The following RARB variants were observed in gnomAD, a reference collection of about 807,000 sequenced individuals.
RARB encodes the protein HBV-activated protein.
A neutral mutation model predicts 51.9 loss-of-function variants in RARB; 17 were observed. That is an observed-to-expected ratio of 0.33 (90% confidence interval 0.22 to 0.49). The LOEUF (loss-of-function observed/expected upper bound fraction) is 0.49, where lower values mean the gene tolerates loss of function less well. Ranked by LOEUF, RARB falls within the 20% of genes least tolerant of loss-of-function variation. The pLI is 0.99. For synonymous variants in RARB, 215 were observed against 195.4 expected (o/e 1.10, Z -0.84); for missense variants, 369 against 550.8 (o/e 0.67, Z 3.30).
chr3:25,507,408 C>T (rs1697664239), intron 3 of RARB, among the ~76,000 whole-genome samples: 1 of 152,216 alleles, frequency 6.6e-6, no homozygotes, highest in South Asian at 2.1e-4. Flanking sequence ...AGTTACTCAA[C>T]TTCTTGGAGG....
At chr3:24,835,243 G>A (rs1702329663) in intron 1 of RARB, among the ~76,000 whole-genome samples, 1 of 152,152 alleles carries the variant, frequency 6.6e-6, no homozygotes, top group East Asian at 1.9e-4. Context: ...ATGCCAATAA[G>A]TAAACATAGA....
intron 3 of RARB, among the ~76,000 whole-genome samples, chr3:25,066,519 T>C (rs377425214): frequency 3.3e-5 from 5 of 152,150 alleles, no homozygotes; most frequent in African/African-American, 1.2e-4. Flanking sequence ...CTAGAACTCC[T>C]GCTCCTATGT....
intron 2 of RARB, among the ~76,000 whole-genome samples, chr3:25,057,965 T>G (rs1044066151): frequency 4.6e-5 from 7 of 151,972 alleles, no homozygotes; most frequent in Non-Finnish European, 8.8e-5. Context: ...ATTTGATTAT[T>G]TTTCCTGAAT....
At chr3:24,994,549 C>T (rs1221441764) in intron 2 of RARB, among the ~76,000 whole-genome samples, 1 of 151,994 alleles carries the variant, frequency 6.6e-6, no homozygotes, top group Non-Finnish European at 1.5e-5. Context: ...CTTTTCAGGT[C>T]TTACTCATAA....
At chr3:25,054,722 C>G (rs1230039213) in intron 2 of RARB, among the ~76,000 whole-genome samples, 1 of 152,084 alleles carries the variant, frequency 6.6e-6, no homozygotes, top group Non-Finnish European at 1.5e-5. Context: ...CTGTGGAGCA[C>G]AAACTGTGTC....
chr3:25,476,710 G>T (rs980527308), intron 2 of RARB, among the ~76,000 whole-genome samples: 3 of 152,164 alleles, frequency 2.0e-5, no homozygotes, highest in Admixed American at 1.3e-4. Context: ...CCCATTCTGT[G>T]TAAACACCAT....
At chr3:25,092,646 A>G (rs1353548609) in intron 3 of RARB, among the ~76,000 whole-genome samples, 2 of 152,170 alleles carry the variant, frequency 1.3e-5, no homozygotes, top group African/African-American at 4.8e-5. Flanking sequence ...CCAGAAAAGA[A>G]TGTGGGAGAT....
intron 5 of RARB, among the ~76,000 whole-genome samples, chr3:25,232,281 T>A (rs1377937285): frequency 6.6e-6 from 1 of 152,210 alleles, no homozygotes; most frequent in Admixed American, 6.5e-5. Flanking sequence ...TCCAATTTTG[T>A]TCTTCAAAAT....
At chr3:25,544,992 C>T (rs1044145638) in intron 3 of RARB, among the ~76,000 whole-genome samples, 1 of 152,096 alleles carries the variant, frequency 6.6e-6, no homozygotes, top group Admixed American at 6.5e-5. Flanking sequence ...GACGGAGTCT[C>T]GTTCTGTCGC....
intron 2 of RARB, among the ~76,000 whole-genome samples, chr3:24,987,760 T>A (rs1029536956): frequency 7.9e-5 from 12 of 152,228 alleles, no homozygotes; most frequent in African/African-American, 2.9e-4. Context: ...GATTTGAGTT[T>A]TGGCAACACA....
upstream of RARB, among the ~76,000 whole-genome samples, chr3:25,423,916 T>C (rs1462370036): frequency 2.0e-5 from 3 of 152,218 alleles, no homozygotes; most frequent in African/African-American, 7.2e-5. Flanking sequence ...AACTTTCAAG[T>C]TGGAACCAAC....
At chr3:24,839,729 G>T (rs949075756) in intron 1 of RARB, among the ~76,000 whole-genome samples, 12 of 61,224 alleles carry the variant, frequency 2.0e-4, no homozygotes, top group African/African-American at 3.7e-4. Context: ...AGGGGGGGGG[G>T]GTGGGGGAAG....
At chr3:25,346,684 C>A (rs1705405247) in intron 5 of RARB, among the ~76,000 whole-genome samples, 1 of 152,176 alleles carries the variant, frequency 6.6e-6, no homozygotes, top group Non-Finnish European at 1.5e-5. Flanking sequence ...CTGCCTCCGT[C>A]AACACAGGAT....
intron 5 of RARB, among the ~76,000 whole-genome samples, chr3:25,268,048 G>A (rs1338185168): frequency 2.6e-5 from 4 of 152,140 alleles, no homozygotes; most frequent in Non-Finnish European, 2.9e-5. Context: ...TTCTTGGAAC[G>A]TAGAATAGTA....
chr3:24,879,384 G>A (rs780710434), intron 2 of RARB, among the ~76,000 whole-genome samples: 16 of 150,828 alleles, frequency 1.1e-4, no homozygotes, highest in African/African-American at 3.7e-4. Context: ...AGGCGAGATC[G>A]CATCACTGCA....
At chr3:25,040,713 A>C (rs1698095093) in intron 2 of RARB, among the ~76,000 whole-genome samples, 1 of 152,106 alleles carries the variant, frequency 6.6e-6, no homozygotes, top group Non-Finnish European at 1.5e-5. Flanking sequence ...GTATCACACC[A>C]CTGTGCTTCA....
At chr3:25,568,371 A>G (rs1700578724) in intron 3 of RARB, among the ~76,000 whole-genome samples, 1 of 152,144 alleles carries the variant, frequency 6.6e-6, no homozygotes, top group African/African-American at 2.4e-5. Flanking sequence ...TAAAAGGATC[A>G]AGTGAGATAC....
intron 5 of RARB, among the ~76,000 whole-genome samples, chr3:25,320,451 C>T (rs1704540656): frequency 6.6e-6 from 1 of 152,128 alleles, no homozygotes; most frequent in African/African-American, 2.4e-5. Context: ...TTTCCAGGGC[C>T]AGGACATACA....
chr3:25,497,449 T>C (rs1697100125), intron 2 of RARB, among the ~76,000 whole-genome samples: 1 of 152,224 alleles, frequency 6.6e-6, no homozygotes, highest in African/African-American at 2.4e-5. Flanking sequence ...ATACCACCTC[T>C]TCTTTCGCCA....
Sources: gnomAD v4.1 joint callset for allele counts (sites outside exome capture counted in the v4.1 genomes callset) on GRCh38, gnomAD v4.1.1 for gene constraint, MANE v1.5 for transcripts, NCBI Gene and HGNC (gene_info 2026-07-23, HGNC 2026-07-21) for gene names.